Variants in TMEM131 observed in about 807,000 individuals in gnomAD.
TMEM131 encodes transmembrane protein 131.
A neutral mutation model predicts 211.6 loss-of-function variants in TMEM131; 66 were observed. The observed-to-expected ratio is 0.31, with a 90% confidence interval of 0.26 to 0.38. The LOEUF (loss-of-function observed/expected upper bound fraction) is 0.38. Ranked by LOEUF, TMEM131 falls within the 10% of genes least tolerant of loss-of-function variation. TMEM131 has a pLI of 1.00. For missense variants in TMEM131, 2,036 were observed against 2,299.3 expected (o/e 0.89, Z 2.34); for synonymous variants, 844 against 841.3 (o/e 1.00, Z -0.06).
At chr2:97,836,506 T>C (rs1682947470) in intron 8 of TMEM131, among the ~76,000 whole-genome samples, 3 of 152,328 alleles carry the variant, frequency 2.0e-5, no homozygotes, top group Admixed American at 6.5e-5. Flanking sequence ...TCTTTATAAA[T>C]AAGGTTCTCT....
chr2:97,792,274 G>A (rs190058959), intron 31 of TMEM131, 112 bp downstream of exon 31: 4 of 874,488 alleles, frequency 4.6e-6, no homozygotes, highest in African/African-American at 3.4e-5. Flanking sequence ...ATCTGAGCCA[G>A]AGGAACCTAC....
chr2:97,904,920 T>C (rs1285938496), intron 3 of TMEM131, among the ~76,000 whole-genome samples: 2 of 152,180 alleles, frequency 1.3e-5, no homozygotes, highest in Non-Finnish European at 2.9e-5. Flanking sequence ...AATTCTTCCA[T>C]GCAACCCTCC....
intron 31 of TMEM131, among the ~76,000 whole-genome samples, chr2:97,787,614 A>G (rs1290750328): frequency 6.6e-6 from 1 of 152,154 alleles, no homozygotes; most frequent in Non-Finnish European, 1.5e-5. Flanking sequence ...AAAACTCTCA[A>G]AGGTTTTTTT....
intron 31 of TMEM131, among the ~76,000 whole-genome samples, chr2:97,780,904 A>G (rs1260258741): frequency 6.6e-6 from 1 of 152,206 alleles, no homozygotes; most frequent in Non-Finnish European, 1.5e-5. Context: ...AGTGAGAAAT[A>G]TGCCCAAGGT....
chr2:97,847,699 C>A (rs758821488), intron 5 of TMEM131, among the ~76,000 whole-genome samples: 4 of 152,046 alleles, frequency 2.6e-5, no homozygotes, highest in Non-Finnish European at 4.4e-5. Context: ...ACAGAAAAAG[C>A]AGTACACTGA....
Position 97,972,490 on chromosome 2 carries a change from G to GGGCAGGCAGGCGGGCA in TMEM131, c.187+22970_187+22985dup, listed in dbSNP as rs1553622412. 1.4e-3 allele frequency among the ~76,000 whole-genome samples: 210 copies of GGGCAGGCAGGCGGGCA among 149,886 alleles called. 2 individuals are homozygous for GGGCAGGCAGGCGGGCA. Among genetic ancestry groups the GGGCAGGCAGGCGGGCA allele is most frequent in the African/African-American group, 4.9e-3 (199 of 40,526 alleles). ...AAGGCGGGCGGGAGGGAGGGAAGGC[G>GGGCAGGCAGGCGGGCA]GGCAGGCAGGCGGGCAGGCAGGCAG... On this transcript the variant is annotated intron_variant, in intron 1 of 40. Coordinates refer to ENST00000186436, the MANE Select transcript of TMEM131 (RefSeq NM_015348.2).
intron 2 of TMEM131, among the ~76,000 whole-genome samples, chr2:97,911,088 G>A (rs962179653): frequency 2.0e-5 from 3 of 152,220 alleles, no homozygotes; most frequent in South Asian, 2.1e-4. Flanking sequence ...TGTTATATCC[G>A]TACAATGGAA....
intron 3 of TMEM131, among the ~76,000 whole-genome samples, chr2:97,889,521 G>T (rs1273665393): frequency 1.3e-5 from 2 of 149,046 alleles, no homozygotes; most frequent in African/African-American, 4.9e-5. Flanking sequence ...TAAAGTATAA[G>T]GCATAACTGT....
chr2:97,758,819 T>C, intron 40 of TMEM131, 74 bp downstream of exon 40: 1 of 1,534,340 alleles, frequency 6.5e-7, no homozygotes. Context: ...GTCAGTGCCA[T>C]CCATGTCACA....
At chr2:97,855,756 A>G (rs902736121) in intron 5 of TMEM131, among the ~76,000 whole-genome samples, 2 of 152,028 alleles carry the variant, frequency 1.3e-5, no homozygotes, top group Non-Finnish European at 2.9e-5. Flanking sequence ...CTTACATATT[A>G]GCATGTCATG....
intron 4 of TMEM131, among the ~76,000 whole-genome samples, chr2:97,877,733 G>T (rs1469738921): frequency 6.6e-6 from 1 of 152,084 alleles, no homozygotes; most frequent in Non-Finnish European, 1.5e-5. Context: ...TTAAACATAT[G>T]ACCTAGGACC....
chr2:97,889,570 T>C lies in TMEM131; in HGVS notation c.291-1450A>G, dbSNP rs540675947. Among the ~76,000 whole-genome samples, 185 of 148,374 alleles carry C rather than the reference T, an allele frequency of 1.2e-3. 3 individuals carry two copies. Among genetic ancestry groups the C allele is most frequent in the Non-Finnish European group, 4.0e-4 (27 of 67,226 alleles). ...CTATATAATATTATATTCCTATATATAATATATATTCCTATAATGTAATAT... is the reference window on the plus strand; with the variant it reads ...CTATATAATATTATATTCCTATATACAATATATATTCCTATAATGTAATAT... On this transcript the variant is annotated intron_variant, in intron 3 of 40. Transcript: ENST00000186436.
intron 1 of TMEM131, among the ~76,000 whole-genome samples, chr2:97,989,988 A>G (rs2104677478): frequency 6.6e-6 from 1 of 152,322 alleles, no homozygotes; most frequent in Non-Finnish European, 1.5e-5. Flanking sequence ...GCCGAGGCAA[A>G]TGCCACTACC....
At chr2:97,867,461 T>A (rs936300406) in intron 4 of TMEM131, among the ~76,000 whole-genome samples, 2 of 152,220 alleles carry the variant, frequency 1.3e-5, no homozygotes, top group East Asian at 3.8e-4. Context: ...GTAGTAACTT[T>A]TTGGTTTTAA....
chr2:97,833,595 T>C (rs759434567), intron 10 of TMEM131, among the ~76,000 whole-genome samples, 169 bp from the exon 11 acceptor site: 2 of 151,962 alleles, frequency 1.3e-5, no homozygotes, highest in South Asian at 4.1e-4. Flanking sequence ...ATAAGGACAT[T>C]GTGTATTATA....
In TMEM131 at chr2:97,762,046, G is replaced by A; in HGVS notation, c.4878C>T (p.Ser1626=). Residue 1626 remains serine (S), a synonymous_variant, in exon 36 of 41, where the codon AGC becomes AGT. Transcript: ENST00000186436. ...AGCAGCAGGCCTACCTGCTGGAGCT[G>A]CTGTTGACGATGCTGCTGTAGCTGC... ...ARGSYSSIVN[S]SSSSDPKIKQ... The A allele has an allele frequency of 1.3e-6, 2 of 1,571,742 alleles. No homozygotes were observed. Among genetic ancestry groups the A allele is most frequent in the Non-Finnish European group, 1.7e-6 (2 of 1,164,572 alleles).
At chr2:97,896,853 C>T (rs1301094763) in intron 3 of TMEM131, among the ~76,000 whole-genome samples, 1 of 151,964 alleles carries the variant, frequency 6.6e-6, no homozygotes, top group Non-Finnish European at 1.5e-5. Context: ...TCTTGAAAAG[C>T]AGCTTATCAA....
chr2:97,867,862 G>A (rs1674333996), intron 4 of TMEM131, among the ~76,000 whole-genome samples: 1 of 152,136 alleles, frequency 6.6e-6, no homozygotes, highest in Non-Finnish European at 1.5e-5. Context: ...TATGTGGTGG[G>A]GAGCATAATA....
chr2:97,798,599 C>A (rs1217682369), intron 25 of TMEM131, among the ~76,000 whole-genome samples: 1 of 152,234 alleles, frequency 6.6e-6, no homozygotes, highest in Non-Finnish European at 1.5e-5. Context: ...CCTGGCATAA[C>A]CAAATCTGCG....
Sources: allele counts gnomAD v4.1 joint callset (sites outside exome capture counted in the v4.1 genomes callset), GRCh38; gene constraint gnomAD v4.1.1; transcripts MANE v1.5; gene names NCBI Gene and HGNC (gene_info 2026-07-23, HGNC 2026-07-21).